The following ASRGL1 variants were observed in gnomAD, a reference collection of about 807,000 sequenced individuals.
ASRGL1 encodes isoaspartyl peptidase/L-asparaginase.
In ASRGL1, 16 loss-of-function variants were observed where a neutral mutation model predicts 22.4. The ratio of observed to expected loss-of-function variants is 0.71; its 90% CI spans 0.48 to 1.08. ASRGL1 has a LOEUF of 1.08. Ranked by LOEUF, ASRGL1 falls within the 50% of genes least tolerant of loss-of-function variation. ASRGL1 has a pLI of 0.00. For synonymous variants in ASRGL1, 165 were observed against 159.3 expected, an observed-to-expected ratio of 1.04 and a Z score of -0.27; for missense variants, 412 against 410.1, an observed-to-expected ratio of 1.00 and a Z score of -0.04.
At chr11:62,379,067 TA>T (rs1947000897) in intron 4 of ASRGL1, among the ~76,000 whole-genome samples, 1 of 152,160 alleles carries the variant, frequency 6.6e-6, no homozygotes, top group East Asian at 1.9e-4. Flanking sequence ...ATTGTTGTAA[TA>T]AATCTCAACC....
At chr11:62,373,054 G>A in intron 4 of ASRGL1, 1 of 1,405,280 alleles carries the variant, frequency 7.1e-7, no homozygotes, top group Non-Finnish European at 1.0e-6. Context: ...ACTCTGCATG[G>A]CATTTTCTCA....
At chr11:62,363,823 C>CT (rs546820691) in intron 4 of ASRGL1, among the ~76,000 whole-genome samples, 80 of 152,138 alleles carry the variant, frequency 5.3e-4, no homozygotes, top group African/African-American at 1.8e-3. Context: ...GAAAGATTGT[C>CT]TTTTTTGCCA....
At chr11:62,350,769 C>G (rs1402757607) in intron 2 of ASRGL1, among the ~76,000 whole-genome samples, 1 of 152,182 alleles carries the variant, frequency 6.6e-6, no homozygotes, top group Non-Finnish European at 1.5e-5. Context: ...GCACTCCAGC[C>G]TGGGCAACAG....
At chr11:62,396,047 T>C (rs1947429835), downstream of ASRGL1, among the ~76,000 whole-genome samples, 1 of 151,990 alleles carries the variant, frequency 6.6e-6, no homozygotes, top group Non-Finnish European at 1.5e-5. Flanking sequence ...GTGCTGGGAT[T>C]ACAGCACCAC....
rs1024658648 is a variant in ASRGL1 at position 62,391,569 on chromosome 11, G to C, written c.658G>C (p.Gly220Arg). 1.2e-6 allele frequency: 2 copies of C among 1,612,570 alleles called. No homozygotes were observed. The highest frequency in any genetic ancestry group is 1.3e-5 in the African/African-American group (1 of 74,892). The change falls in exon 6 of 7, where the codon GGG (glycine) becomes CGG (arginine). Residue 220 changes from glycine (G) to arginine (R), a missense_variant. Transcript: ENST00000415229. ...DNDIGAVSTT[G>R]HGESILKVNL... ...TGACATCGGAGCCGTCTCAACCACA[G>C]GGCATGGGGAAAGCATCCTGAAGGT...
chr11:62,361,655 T>G (rs1946438202), intron 4 of ASRGL1, among the ~76,000 whole-genome samples: 1 of 151,646 alleles, frequency 6.6e-6, no homozygotes, highest in Non-Finnish European at 1.5e-5. Context: ...GCCCGGCTAA[T>G]TTTTGTATTT....
chr11:62,366,119 G>A (rs1408019537), intron 4 of ASRGL1, among the ~76,000 whole-genome samples: 1 of 138,766 alleles, frequency 7.2e-6, no homozygotes, highest in African/African-American at 2.7e-5. Context: ...AAAATTAGCC[G>A]GGAGTGGTGG....
At chr11:62,398,755 C>T in the ASRGL1 span, among the ~76,000 whole-genome samples, 1 of 152,218 alleles carries the variant, frequency 6.6e-6, no homozygotes, top group East Asian at 1.9e-4. Flanking sequence ...TCAGGCCTCA[C>T]AATCTTCCGG....
intron 4 of ASRGL1, 85 bp downstream of exon 4, chr11:62,357,229 G>GTTTTGTTTTC: frequency 1.2e-6 from 1 of 822,612 alleles, no homozygotes; most frequent in Non-Finnish European, 1.8e-6. Context: ...CAGTTCTTTT[G>GTTTTGTTTTC]TTTTGTTTTG....
At chr11:62,368,036 T>G (rs1249799277) in intron 4 of ASRGL1, among the ~76,000 whole-genome samples, 1 of 152,132 alleles carries the variant, frequency 6.6e-6, no homozygotes, top group Admixed American at 6.5e-5. Flanking sequence ...CTGTAACCAG[T>G]TTAGGGTTAC....
At chr11:62,382,513 T>G (rs1001937204) in intron 4 of ASRGL1, 2 of 152,000 alleles carry the variant, frequency 1.3e-5, no homozygotes, top group East Asian at 1.9e-4. Flanking sequence ...TTTTCTCCTA[T>G]CTCAGTAAAT....
chr11:62,372,657 G>A, intron 4 of ASRGL1: 1 of 1,004,660 alleles, frequency 1.0e-6, no homozygotes, highest in East Asian at 2.4e-5. Flanking sequence ...CCAGAAGTGA[G>A]TCTTCTCCTG....
intron 5 of ASRGL1, 25 bp from the exon 6 acceptor site, chr11:62,391,497 C>G (rs1252220834): frequency 6.3e-7 from 1 of 1,595,830 alleles, no homozygotes; most frequent in African/African-American, 1.3e-5. Context: ...TGTTACTGCT[C>G]AGAACAATCA....
intron 4 of ASRGL1, among the ~76,000 whole-genome samples, chr11:62,358,310 C>T (rs1405107982): frequency 4.4e-5 from 6 of 137,854 alleles, no homozygotes; most frequent in Non-Finnish European, 6.1e-5. Flanking sequence ...GCAGAGGTTG[C>T]GGTGAGCCAA....
At chr11:62,378,565 A>G (rs1201670560) in intron 4 of ASRGL1, among the ~76,000 whole-genome samples, 2 of 152,112 alleles carry the variant, frequency 1.3e-5, no homozygotes, top group Admixed American at 6.5e-5. Flanking sequence ...CAGATCAATT[A>G]TAATTAAAGG....
rs746969296 is a variant in ASRGL1, at chr11:62,357,093, G to T, written c.440G>T (p.Arg147Leu). The change falls in exon 4 of 7, where the codon CGC (arginine) becomes CTC (leucine). Residue 147 changes from arginine to leucine, a missense_variant. Physicochemically the swap from Arg to Leu is moderately radical, Grantham distance 102. Transcript: ENST00000415229. Reference sequence around the variant, plus strand: ...CTGGTGACAGAGAGAAACAAAAAGCGCCTGGAAAAAGAGAAGCATGAAAAA... The same window carrying T: ...CTGGTGACAGAGAGAAACAAAAAGCTCCTGGAAAAAGAGAAGCATGAAAAA... ...EKLVTERNKK[R>L]LEKEKHEKGA... 3 of 1,613,880 alleles carry T rather than the reference G, an allele frequency of 1.9e-6. No homozygotes were observed. Among genetic ancestry groups the T allele is most frequent in the African/African-American group, 2.7e-5 (2 of 74,876 alleles).
At chr11:62,370,941 A>G (rs946368523) in intron 4 of ASRGL1, among the ~76,000 whole-genome samples, 1 of 152,120 alleles carries the variant, frequency 6.6e-6, no homozygotes, top group African/African-American at 2.4e-5. Context: ...TACTGGTGGT[A>G]CTGACAGTAG....
intron 4 of ASRGL1, among the ~76,000 whole-genome samples, chr11:62,359,022 A>G (rs2463836): frequency 0.85 from 129,580 of 152,146 alleles, 55,661 homozygotes; most frequent in East Asian, 1. Context: ...ATTGTTACAG[A>G]GAGGGTTCTG....
In ASRGL1 at chr11:62,344,720, A is replaced by G. The variant is rs1225333887; in HGVS notation, c.190+6553A>G. ...GGGATATTCATCCCTTCAAGCATTT[A>G]TCCTTTGTGTTATAAACAATTATAT... is the stretch of plus-strand genomic sequence containing the variant. On this transcript the variant is annotated intron_variant, in intron 2 of 6. Coordinates refer to ENST00000415229, the MANE Select transcript of ASRGL1 (RefSeq NM_001083926.2). 2.0e-5 allele frequency among the ~76,000 whole-genome samples: 3 copies of G among 152,110 alleles called. No individual in the cohort carries two copies. The South Asian group carries it at 6.2e-4, about 32-fold the overall frequency.
Sources: allele counts gnomAD v4.1 joint callset (sites outside exome capture counted in the v4.1 genomes callset), GRCh38; gene constraint gnomAD v4.1.1; transcripts MANE v1.5; gene names NCBI Gene and HGNC (gene_info 2026-07-23, HGNC 2026-07-21).